MYT1L: variants seen among roughly 807,000 people sequenced by gnomAD.
The protein encoded by MYT1L is myelin transcription factor 1 like.
In MYT1L, 12 loss-of-function variants were observed where a neutral mutation model predicts 126.7. The observed-to-expected ratio is 0.09, with a 90% CI of 0.06 to 0.15. The LOEUF is 0.15. Ranked by LOEUF, MYT1L falls within the 10% of genes least tolerant of loss-of-function variation. The pLI is 1.00. For synonymous variants in MYT1L, 541 were observed against 604.2 expected (o/e 0.90, Z 1.53); for missense variants, 979 against 1,585.2 (o/e 0.62, Z 6.49).
Position 1,889,444 on chromosome 2 carries a change from G to A in MYT1L, c.2317C>T (p.Leu773=), listed in dbSNP as rs377237365. The change falls in exon 16 of 25, where the codon CTG becomes TTG. Residue 773 remains leucine, a synonymous_variant. Transcript: ENST00000647738. The surrounding 1 kb of genome is among the most constrained non-coding windows in gnomAD (Gnocchi z 4.1). Reference sequence around the variant, plus strand: ...CTCTGCTTGTTCATGCTGAGGTCCAGGGTCCCGTTCTCATCCACCTCCATG... The same window carrying A: ...CTCTGCTTGTTCATGCTGAGGTCCAAGGTCCCGTTCTCATCCACCTCCATG... The part of the protein sequence containing the change: ...PDMEVDENGT[L]DLSMNKQRPR... The A allele has an allele frequency of 4.0e-5, 65 of 1,611,764 alleles. No homozygotes were observed. Among genetic ancestry groups the A allele is most frequent in the Non-Finnish European group, 1.4e-5 (17 of 1,178,324 alleles).
chr2:1,812,945 G>A (rs2036917647), intron 21 of MYT1L, among the ~76,000 whole-genome samples: 1 of 151,984 alleles, frequency 6.6e-6, no homozygotes, highest in African/African-American at 2.4e-5. Context: ...AGGAGGGCTG[G>A]GGTGAGGGCC....
intron 9 of MYT1L, among the ~76,000 whole-genome samples, chr2:1,928,750 T>C (rs1377675840): frequency 1.3e-5 from 2 of 152,220 alleles, no homozygotes; most frequent in African/African-American, 4.8e-5. Flanking sequence ...AGAGCTGTGC[T>C]GGAACTGCCA....
chr2:2,273,389 A>T (rs1416043871), intron 2 of MYT1L, among the ~76,000 whole-genome samples: 1 of 152,246 alleles, frequency 6.6e-6, no homozygotes, highest in Non-Finnish European at 1.5e-5. Flanking sequence ...GTGGGTGGCC[A>T]TGGAGAAGTC....
At chr2:2,159,439 G>A (rs553536530) in intron 3 of MYT1L, among the ~76,000 whole-genome samples, 26 of 152,112 alleles carry the variant, frequency 1.7e-4, no homozygotes, top group Admixed American at 8.5e-4. Context: ...CAAAAGCTCC[G>A]GAAACTCCCT....
intron 8 of MYT1L, among the ~76,000 whole-genome samples, chr2:1,977,790 C>G (rs996068977): frequency 1.3e-5 from 2 of 152,126 alleles, no homozygotes; most frequent in Non-Finnish European, 2.9e-5. Flanking sequence ...ATGAATTTTT[C>G]TCATGGGTGA....
chr2:1,878,506 C>T (rs1467643281), intron 18 of MYT1L, among the ~76,000 whole-genome samples: 1 of 152,036 alleles, frequency 6.6e-6, no homozygotes. Context: ...ACACAAAGAA[C>T]AATATAAAAT....
rs2086261942 is a variant in MYT1L, at chr2:2,153,891, G to A, written c.-304+18981C>T. Among the ~76,000 whole-genome samples, 5 of 152,230 alleles carry A rather than the reference G, an allele frequency of 3.3e-5. No individual in the cohort carries two copies. In the South Asian group the frequency reaches 1.0e-3, roughly 32 times the overall value. ...CAGAACGAACACGGAGGAACCCCCG[G>A]GTGCAGCGTGTGAGAGGTACTGAGA... is the stretch of plus-strand genomic sequence containing the variant. On this transcript the variant is annotated intron_variant, in intron 3 of 24. Coordinates refer to ENST00000647738, the MANE Select transcript of MYT1L (RefSeq NM_001303052.2).
At chr2:2,065,868 AC>A (rs2071209220) in intron 3 of MYT1L, among the ~76,000 whole-genome samples, 1 of 151,850 alleles carries the variant, frequency 6.6e-6, no homozygotes, top group Non-Finnish European at 1.5e-5. Flanking sequence ...ACACACACAC[AC>A]AGAGCATCTA....
At chr2:1,984,489 A>C (rs1574228061) in intron 5 of MYT1L, among the ~76,000 whole-genome samples, 1 of 146,984 alleles carries the variant, frequency 6.8e-6, no homozygotes, top group African/African-American at 2.5e-5. Context: ...GAGCCATGGT[A>C]CCTGGCCAAG....
intron 3 of MYT1L, among the ~76,000 whole-genome samples, chr2:2,111,237 C>G (rs2079413220): frequency 6.6e-6 from 1 of 152,208 alleles, no homozygotes; most frequent in African/African-American, 2.4e-5. Flanking sequence ...AGCCCTACCA[C>G]TCTCACTGAG....
At chr2:1,863,973 A>G (rs1395029099) in intron 18 of MYT1L, among the ~76,000 whole-genome samples, 1 of 152,158 alleles carries the variant, frequency 6.6e-6, no homozygotes, top group Non-Finnish European at 1.5e-5. Context: ...AGAGGAGCTC[A>G]AGGACCGCTG....
intron 14 of MYT1L, among the ~76,000 whole-genome samples, chr2:1,897,292 T>G (rs1056438542): frequency 6.6e-6 from 1 of 152,240 alleles, no homozygotes; most frequent in Non-Finnish European, 1.5e-5. Flanking sequence ...CAATCAGCAT[T>G]GCTCGGCTCA....
intron 3 of MYT1L, among the ~76,000 whole-genome samples, chr2:2,077,686 T>G (rs1171454336): frequency 1.3e-5 from 2 of 152,186 alleles, no homozygotes; most frequent in Non-Finnish European, 2.9e-5. Context: ...GATGACATCT[T>G]CAAAGAGTTG....
At chr2:2,307,627 G>A (rs1055522628) in intron 1 of MYT1L, among the ~76,000 whole-genome samples, 2 of 152,014 alleles carry the variant, frequency 1.3e-5, no homozygotes, top group Non-Finnish European at 2.9e-5. Context: ...TATGACACTC[G>A]TGATCTCCAG....
At chr2:2,220,105 G>C (rs2093813984) in intron 2 of MYT1L, among the ~76,000 whole-genome samples, 1 of 152,106 alleles carries the variant, frequency 6.6e-6, no homozygotes, top group African/African-American at 2.4e-5. Flanking sequence ...TCCACGAAAA[G>C]AGTCTAACTC....
At chr2:2,321,535 A>C (rs1408259068) in intron 1 of MYT1L, among the ~76,000 whole-genome samples, 1 of 152,182 alleles carries the variant, frequency 6.6e-6, no homozygotes, top group African/African-American at 2.4e-5. Flanking sequence ...TTTAGGGTTC[A>C]GTGGTGTGGT....
At chr2:1,885,835 C>T (rs113273847) in intron 18 of MYT1L, among the ~76,000 whole-genome samples, 3,758 of 152,320 alleles carry the variant, frequency 0.025, 66 homozygotes, top group Non-Finnish European at 0.04. Context: ...GAGACTCCCC[C>T]TGTGACTTCT....
chr2:1,988,751 A>G (rs2061243409), intron 5 of MYT1L, among the ~76,000 whole-genome samples: 1 of 152,094 alleles, frequency 6.6e-6, no homozygotes, highest in African/African-American at 2.4e-5. Context: ...ATGCTCTCCA[A>G]CTCCTGAGCT....
chr2:2,188,231 A>G (rs967726661), intron 2 of MYT1L, among the ~76,000 whole-genome samples: 3 of 152,232 alleles, frequency 2.0e-5, no homozygotes, highest in African/African-American at 7.2e-5. Flanking sequence ...TATTACCGAA[A>G]GTTAATGGTA....
Sources: gnomAD v4.1 joint callset for allele counts (sites outside exome capture counted in the v4.1 genomes callset) on GRCh38, gnomAD v4.1.1 for gene constraint, Gnocchi (gnomAD v3.1) non-coding constraint, MANE v1.5 for transcripts, NCBI Gene and HGNC (gene_info 2026-07-23, HGNC 2026-07-21) for gene names.